Variants in C11orf24 observed in about 807,000 individuals in gnomAD.
The protein encoded by C11orf24 is uncharacterized protein C11orf24.
C11orf24 carries 5 observed loss-of-function variants against 7.3 expected under a neutral mutation model. The ratio of observed to expected loss-of-function variants is 0.69; its 90% confidence interval spans 0.36 to 1.45. The LOEUF is 1.45. Ranked by LOEUF, C11orf24 falls within the 40% of genes most tolerant of loss-of-function variation. C11orf24 has a pLI of 0.03. For missense variants in C11orf24, 566 were observed against 590.5 expected (o/e 0.96, Z 0.43); for synonymous variants, 233 against 235.7 (o/e 0.99, Z 0.11).
chr11:68,264,495 C>CA (rs2098563625), intron 2 of C11orf24, among the ~76,000 whole-genome samples: 1 of 140,544 alleles, frequency 7.1e-6, no homozygotes, highest in Non-Finnish European at 1.6e-5. Flanking sequence ...CCCACCCATC[C>CA]ATCCACCCAC....
intron 1 of C11orf24, among the ~76,000 whole-genome samples, chr11:68,270,209 G>A (rs1003818680): frequency 6.6e-6 from 1 of 152,158 alleles, no homozygotes; most frequent in African/African-American, 2.4e-5. Context: ...AAGACGGAAG[G>A]TTAGGCTGGC....
In C11orf24 at chr11:68,271,950, A is replaced by G. The variant is rs2098568375; in HGVS notation, c.-391T>C. ...GGGGACGTGGCCGGCAGCGCAACCC[A>G]GGCAGCTCCGGGCAGCGCGCCCTGC... On this transcript the variant is annotated 5_prime_UTR_variant, in exon 1 of 4. Coordinates refer to ENST00000304271, the MANE Select transcript of C11orf24 (RefSeq NM_022338.4). The G allele has an allele frequency of 6.6e-6, 1 of 152,124 alleles. No homozygotes were observed. The highest frequency in any genetic ancestry group is 6.5e-5 in the Admixed American group (1 of 15,276). 9.4% of individuals were successfully genotyped at this position (152,124 alleles called of 1,614,324 possible). A position where few individuals can be genotyped will look rare whatever the true frequency, so the allele number is the denominator to read the frequency against.
At position 68,261,402 on chromosome 11, in the gene C11orf24, G is replaced by A. The variant is rs2098561511; in HGVS notation, c.*243C>T. 35 of 480,120 alleles carry A rather than the reference G, an allele frequency of 7.3e-5. No homozygotes were observed. The East Asian group carries it at 1.1e-3, about 16-fold the overall frequency. The allele number at this position is 480,120 out of a possible 1,614,324, so 29.7% of individuals were successfully genotyped here. A position where few individuals can be genotyped will look rare whatever the true frequency, so the allele number is the denominator to read the frequency against. On this transcript the variant is annotated 3_prime_UTR_variant, in exon 4 of 4. Coordinates refer to ENST00000304271, the MANE Select transcript of C11orf24 (RefSeq NM_022338.4). ...CACCTGGGGAGACGGGGTCCTGCCC[G>A]CCCCACCCTGAGGTGGAACCCCCAG...
intron 2 of C11orf24, chr11:68,267,006 G>A (rs2098565527): frequency 6.6e-6 from 1 of 152,246 alleles, no homozygotes; most frequent in South Asian, 2.1e-4. Flanking sequence ...ATAGAGGACA[G>A]GATGGCAAAT....
intron 2 of C11orf24, chr11:68,267,047 G>T: frequency 6.6e-6 from 1 of 152,280 alleles, no homozygotes; most frequent in African/African-American, 2.4e-5. Flanking sequence ...TTTGGTCTGT[G>T]TCTTAGCTAC....
At chr11:68,267,666 A>G in intron 2 of C11orf24, 1 of 153,208 alleles carries the variant, frequency 6.5e-6, no homozygotes, top group South Asian at 2.1e-4. Flanking sequence ...CAGCCTGGGC[A>G]ACATGGCGGA....
intron 2 of C11orf24, among the ~76,000 whole-genome samples, chr11:68,265,903 C>T (rs1313913607): frequency 1.3e-5 from 2 of 152,238 alleles, no homozygotes; most frequent in Non-Finnish European, 2.9e-5. Flanking sequence ...GTGGCCCCAG[C>T]TGCATAGCTG....
At chr11:68,264,001 T>G (rs1478086767) in intron 2 of C11orf24, 135 bp from the exon 3 acceptor site, 1 of 551,722 alleles carries the variant, frequency 1.8e-6, no homozygotes, top group Non-Finnish European at 3.2e-6. Flanking sequence ...CAGGGCCTGG[T>G]GCCCAGGAAG....
chr11:68,262,728 C>G lies in C11orf24; in HGVS notation c.267G>C (p.Val89=). ...VTTEDTSRTD[V]SEPATSGGAA... is the part of the protein sequence containing the mutation. ...CACCTCCTGAAGTTGCTGGTTCACT[C>G]ACATCTGTCCTGCTTGTGTCCTCTG... Residue 89 remains valine (V), a synonymous_variant, in exon 4 of 4, where the codon GTG becomes GTC. Coordinates refer to ENST00000304271, the MANE Select transcript of C11orf24 (RefSeq NM_022338.4). The G allele has an allele frequency of 6.2e-7, 1 of 1,614,188 alleles. No individual in the cohort carries two copies. Among genetic ancestry groups the G allele is most frequent in the Non-Finnish European group, 8.5e-7 (1 of 1,180,030 alleles).
intron 2 of C11orf24, among the ~76,000 whole-genome samples, chr11:68,265,312 G>A (rs1048865207): frequency 2.0e-5 from 3 of 152,154 alleles, no homozygotes; most frequent in Admixed American, 2.0e-4. Context: ...AGGGGAGGCA[G>A]GGGCAGCCAG....
chr11:68,270,196 G>GGAAA (rs2153104476), intron 1 of C11orf24, among the ~76,000 whole-genome samples: 1 of 152,280 alleles, frequency 6.6e-6, no homozygotes, highest in African/African-American at 2.4e-5. Flanking sequence ...CAGGGCAGAT[G>GGAAA]GAAAGACGGA....
At chr11:68,270,833 G>A (rs576783662) in intron 1 of C11orf24, among the ~76,000 whole-genome samples, 3 of 152,286 alleles carry the variant, frequency 2.0e-5, no homozygotes, top group South Asian at 2.1e-4. Flanking sequence ...ATCCTGACAC[G>A]TCACCTGGCT....
At chr11:68,262,944 G>C (rs1317264747) in intron 3 of C11orf24, 26 bp from the exon 4 acceptor site, 1 of 1,603,460 alleles carries the variant, frequency 6.2e-7, no homozygotes, top group Non-Finnish European at 8.5e-7. Flanking sequence ...AGGAGAAAAA[G>C]AGAGACAATC....
In C11orf24 at chr11:68,261,421, C is replaced by A; in HGVS notation, c.*224G>T. ...CTGCCCGCCCCACCCTGAGGTGGAA[C>A]CCCCAGCTGCTCCTGGGCACAGAAT... On this transcript the variant is annotated 3_prime_UTR_variant, in exon 4 of 4. Coordinates refer to ENST00000304271, the MANE Select transcript of C11orf24 (RefSeq NM_022338.4). The A allele has an allele frequency of 1.9e-6, 1 of 515,810 alleles. No homozygotes were observed. Among genetic ancestry groups the A allele is most frequent in the Non-Finnish European group, 3.4e-6 (1 of 291,474 alleles). The allele number at this position is 515,810 out of a possible 1,614,324, so 32.0% of individuals were successfully genotyped here.
chr11:68,262,327 G>C lies in C11orf24; in HGVS notation c.668C>G (p.Thr223Arg). The change falls in exon 4 of 4, where the codon ACA (threonine) becomes AGA (arginine). Residue 223 changes from threonine (T) to arginine (R), a missense_variant. Coordinates refer to ENST00000304271, the MANE Select transcript of C11orf24 (RefSeq NM_022338.4). ...TGGACGAGTGCTCATGGGGCTGCTT[G>C]TGTTTGCTGTGGTCGCTACAGTCTG... is the stretch of plus-strand genomic sequence containing the variant. Reference protein sequence around the residue: ...RAQTVATTANTSSPMSTRPSP... With the variant: ...RAQTVATTANRSSPMSTRPSP... The C allele has an allele frequency of 1.2e-6, 2 of 1,613,998 alleles. No individual in the cohort carries two copies. The highest frequency in any genetic ancestry group is 2.7e-5 in the African/African-American group (2 of 75,022).
At chr11:68,265,498 T>C (rs1367799610) in intron 2 of C11orf24, among the ~76,000 whole-genome samples, 1 of 152,232 alleles carries the variant, frequency 6.6e-6, no homozygotes, top group Admixed American at 6.5e-5. Context: ...TGTGGACGCC[T>C]TAACACATTT....
rs1565289012 is a variant in C11orf24 at position 68,261,934 on chromosome 11, C to T, written c.1061G>A (p.Gly354Asp). ...PEQVETEATP[G>D]TDSTGPTPRS... Reference sequence around the variant, plus strand: ...GGGTGTTGGCCCAGTGGAATCAGTACCTGGTGTGGCTTCAGTCTCTACCTG... The same window carrying T: ...GGGTGTTGGCCCAGTGGAATCAGTATCTGGTGTGGCTTCAGTCTCTACCTG... Residue 354 changes from glycine (G) to aspartate (D), a missense_variant, in exon 4 of 4, where the codon GGT becomes GAT. By Grantham distance (94) the Gly-to-Asp change is moderately conservative (BLOSUM62 -1). Transcript: ENST00000304271. 6.2e-7 allele frequency: 1 copy of T among 1,613,906 alleles called. No homozygotes were observed. The highest frequency in any genetic ancestry group is 8.5e-7 in the Non-Finnish European group (1 of 1,180,026).
chr11:68,270,991 T>C (rs2098567645), intron 1 of C11orf24, among the ~76,000 whole-genome samples: 1 of 152,222 alleles, frequency 6.6e-6, no homozygotes, highest in Non-Finnish European at 1.5e-5. Flanking sequence ...CCTTGCTTGC[T>C]TCCAGGTTTC....
chr11:68,261,538 T>C lies in C11orf24; in HGVS notation c.*107A>G, dbSNP rs1243233028. 1 of 920,298 alleles carries C rather than the reference T, an allele frequency of 1.1e-6. No individual in the cohort carries two copies. The highest frequency in any genetic ancestry group is 1.7e-5 in the African/African-American group (1 of 60,240). The allele number at this position is 920,298 out of a possible 1,614,324, so 57.0% of individuals were successfully genotyped here. On this transcript the variant is annotated 3_prime_UTR_variant, in exon 4 of 4. Transcript: ENST00000304271. ...ATTAAATGTGTTTAAGCATCTGGCA[T>C]ATCTCCTCAATTGCACCAAAAGAAT... is the stretch of plus-strand genomic sequence containing the variant.
Sources: gnomAD v4.1 joint callset for allele counts (sites outside exome capture counted in the v4.1 genomes callset) on GRCh38, gnomAD v4.1.1 for gene constraint, MANE v1.5 for transcripts, NCBI Gene and HGNC (gene_info 2026-07-23, HGNC 2026-07-21) for gene names.